The following TXNDC5 variants were observed in gnomAD, a reference collection of about 807,000 sequenced individuals.
TXNDC5 encodes thioredoxin domain-containing protein 5.
In TXNDC5, 44 loss-of-function variants were observed where a neutral mutation model predicts 52.6. The ratio of observed to expected loss-of-function variants is 0.84; its 90% CI spans 0.66 to 1.08. The LOEUF is 1.08. Among genes scored for constraint, TXNDC5 ranks in the 50% least tolerant of loss-of-function variants. The probability of loss-of-function intolerance (pLI) is 0.00; values close to 1 mark genes in which losing one functional copy is unlikely to be tolerated. For synonymous variants in TXNDC5, 241 were observed against 234.4 expected (o/e 1.03, Z -0.26); for missense variants, 600 against 565.5 (o/e 1.06, Z -0.62).
chr6:7,891,307 C>T (rs987935619), intron 5 of TXNDC5, among the ~76,000 whole-genome samples: 1 of 152,084 alleles, frequency 6.6e-6, no homozygotes, highest in African/African-American at 2.4e-5. Flanking sequence ...CCAAGTTCGT[C>T]CAGTGAACAT....
At chr6:7,888,683 C>G in intron 7 of TXNDC5, 22 bp downstream of exon 7, 1 of 1,597,072 alleles carries the variant, frequency 6.3e-7, no homozygotes, top group Non-Finnish European at 8.5e-7. Context: ...TTATGGGGAT[C>G]CCGACTCCAG....
Position 7,883,049 on chromosome 6 carries a change from C to G in TXNDC5, c.*95G>C. On this transcript the variant is annotated 3_prime_UTR_variant, in exon 10 of 10. Coordinates refer to ENST00000379757, the MANE Select transcript of TXNDC5 (RefSeq NM_030810.5). ...CGCTTAGTATGTTCTGCTTTCTGAA[C>G]AGCCACCACTGGGAACCCAGTGGCC... is the stretch of plus-strand genomic sequence containing the variant. The G allele has an allele frequency of 3.2e-6, 5 of 1,561,532 alleles. No individual in the cohort carries two copies. The highest frequency in any genetic ancestry group is 4.4e-6 in the Non-Finnish European group (5 of 1,142,278).
Position 7,883,274 on chromosome 6 carries a change from CAAA to C in TXNDC5, c.1177-11_1177-9del. ...CGTGGGGTAGCCTCGTACCTTAAAA[CAAA>C]AAAGAAAAAAGTTTGCAAACCAGCG... On this transcript the variant is annotated splice_polypyrimidine_tract_variant and intron_variant, in intron 9 of 9. Coordinates refer to ENST00000379757, the MANE Select transcript of TXNDC5 (RefSeq NM_030810.5). The C allele has an allele frequency of 6.2e-7, 1 of 1,612,846 alleles. No homozygotes were observed. The highest frequency in any genetic ancestry group is 8.5e-7 in the Non-Finnish European group (1 of 1,179,568).
intron 2 of TXNDC5, chr6:7,900,101 G>A (rs1227805624): frequency 6.5e-6 from 1 of 153,002 alleles, no homozygotes; most frequent in Non-Finnish European, 1.5e-5. Flanking sequence ...ATTCTTCCAG[G>A]CCACCTGGCA....
chr6:7,907,297 T>C (rs983455531), intron 1 of TXNDC5, among the ~76,000 whole-genome samples: 2 of 152,134 alleles, frequency 1.3e-5, no homozygotes, highest in Non-Finnish European at 2.9e-5. Flanking sequence ...CTCCTGGCTG[T>C]GATGGGGCCA....
intron 6 of TXNDC5, 111 bp from the exon 7 acceptor site, chr6:7,888,959 G>A (rs529455904): frequency 3.0e-5 from 42 of 1,388,642 alleles, no homozygotes; most frequent in African/African-American, 2.6e-4. Flanking sequence ...ATGTCTTAGC[G>A]GTGGTGCAAA....
chr6:7,886,535 A>G (rs1034817744), intron 7 of TXNDC5, among the ~76,000 whole-genome samples: 2 of 152,194 alleles, frequency 1.3e-5, no homozygotes, highest in Non-Finnish European at 2.9e-5. Flanking sequence ...TATGCAACAG[A>G]AAGAACCTAG....
intron 4 of TXNDC5, among the ~76,000 whole-genome samples, chr6:7,893,592 C>T (rs1330744106): frequency 1.3e-5 from 2 of 151,880 alleles, no homozygotes; most frequent in Non-Finnish European, 2.9e-5. Context: ...ATTTGGGAAA[C>T]ACACCCTGCT....
intron 2 of TXNDC5, among the ~76,000 whole-genome samples, chr6:7,902,414 A>C (rs1051683992): frequency 1.3e-5 from 2 of 152,058 alleles, no homozygotes; most frequent in Admixed American, 1.3e-4. Flanking sequence ...TGGGAGCCCA[A>C]ACTCCCTGCC....
rs920390817 is a variant in TXNDC5 at position 7,882,470 on chromosome 6, T to A, written c.*674A>T. The A allele has an allele frequency of 2.6e-5, 4 of 152,282 alleles. No individual in the cohort carries two copies. Among genetic ancestry groups the A allele is most frequent in the African/African-American group, 4.8e-5 (2 of 41,452 alleles). The allele number at this position is 152,282 out of a possible 1,614,324, so 9.4% of individuals were successfully genotyped here. A position where few individuals can be genotyped will look rare whatever the true frequency, so the allele number is the denominator to read the frequency against. ...GAAGGATCCCCTGAACAGTAACTGA[T>A]TTGACAAGTATCGACACATAAAGTT... On this transcript the variant is annotated 3_prime_UTR_variant, in exon 10 of 10. Coordinates refer to ENST00000379757, the MANE Select transcript of TXNDC5 (RefSeq NM_030810.5).
chr6:7,905,249 C>T lies in TXNDC5; in HGVS notation c.264-526G>A, dbSNP rs553671834. 1.4e-4 allele frequency among the ~76,000 whole-genome samples: 21 copies of T among 152,326 alleles called. No individual in the cohort carries two copies. The East Asian group carries it at 3.5e-3, about 25-fold the overall frequency. ...GTTCAGCACCCATTCTCTTCTCCTG[C>T]CCTTCTGGAAAGCCTCTCTACTCCT... On this transcript the variant is annotated intron_variant, in intron 1 of 9. Transcript: ENST00000379757.
At chr6:7,896,554 T>C (rs903914348) in intron 3 of TXNDC5, among the ~76,000 whole-genome samples, 1 of 152,244 alleles carries the variant, frequency 6.6e-6, no homozygotes, top group African/African-American at 2.4e-5. Flanking sequence ...AGTTCAAAGC[T>C]GTGCAGGGCT....
chr6:7,899,724 G>A, intron 2 of TXNDC5, 43 bp from the exon 3 acceptor site: 1 of 1,548,046 alleles, frequency 6.5e-7, no homozygotes, highest in Non-Finnish European at 8.9e-7. Context: ...AAAGAAAGTT[G>A]TCTTATCAGA....
intron 4 of TXNDC5, 139 bp from the exon 5 acceptor site, chr6:7,891,875 C>A: frequency 1.7e-6 from 1 of 579,000 alleles, no homozygotes; most frequent in Non-Finnish European, 3.0e-6. Flanking sequence ...TTAATTGGTA[C>A]AAAGGGACTC....
chr6:7,883,274 CA>C lies in TXNDC5; in HGVS notation c.1177-9del, dbSNP rs1561803903. On this transcript the variant is annotated splice_polypyrimidine_tract_variant and intron_variant, in intron 9 of 9. Coordinates refer to ENST00000379757, the MANE Select transcript of TXNDC5 (RefSeq NM_030810.5). ...CGTGGGGTAGCCTCGTACCTTAAAA[CA>C]AAAAAGAAAAAAGTTTGCAAACCAG... 6.2e-7 allele frequency: 1 copy of C among 1,612,846 alleles called. No homozygotes were observed. Among genetic ancestry groups the C allele is most frequent in the Non-Finnish European group, 8.5e-7 (1 of 1,179,568 alleles).
intron 8 of TXNDC5, 44 bp downstream of exon 8, chr6:7,885,917 T>G: frequency 6.3e-7 from 1 of 1,587,820 alleles, no homozygotes; most frequent in Non-Finnish European, 8.6e-7. Context: ...TGATGTGACT[T>G]AGTACACATG....
At chr6:7,901,296 T>C (rs1433474989) in intron 2 of TXNDC5, among the ~76,000 whole-genome samples, 4 of 152,134 alleles carry the variant, frequency 2.6e-5, no homozygotes, top group Admixed American at 2.0e-4. Context: ...GTTCCGCACC[T>C]GGAAACAGAA....
chr6:7,888,785 G>C lies in TXNDC5; in HGVS notation c.883C>G (p.Gln295Glu), dbSNP rs1760092342. ...TCCGTCGCTCCAGTCTCTGTGCGCT[G>C]CAGCTGCGACTCCACGTACTCCCTC... ...SLREYVESQL[Q>E]RTETGATETV... Residue 295 changes from glutamine to glutamate, a missense_variant, in exon 7 of 10, where the codon CAG becomes GAG. Physicochemically the swap from Gln to Glu is conservative, Grantham distance 29. Transcript: ENST00000379757. 1 of 1,614,026 alleles carries C rather than the reference G, an allele frequency of 6.2e-7. No homozygotes were observed. The highest frequency in any genetic ancestry group is 1.1e-5 in the South Asian group (1 of 91,068).
chr6:7,909,606 G>GA (rs1400904482), intron 1 of TXNDC5, among the ~76,000 whole-genome samples: 11 of 152,186 alleles, frequency 7.2e-5, no homozygotes, highest in Non-Finnish European at 1.6e-4. Flanking sequence ...ACCTGGACCC[G>GA]AGAGAGCAGC....
Sources: allele counts gnomAD v4.1 joint callset (sites outside exome capture counted in the v4.1 genomes callset), GRCh38; gene constraint gnomAD v4.1.1; transcripts MANE v1.5; gene names NCBI Gene and HGNC (gene_info 2026-07-23, HGNC 2026-07-21).